The following PDLIM5 variants were observed in gnomAD, a reference collection of about 807,000 sequenced individuals.
PDLIM5 encodes PDZ and LIM domain 5.
A neutral mutation model predicts 64.2 loss-of-function variants in PDLIM5; 34 were observed. That is an observed-to-expected ratio of 0.53 (90% CI 0.40 to 0.71). The LOEUF (loss-of-function observed/expected upper bound fraction) is 0.71, where lower values mean the gene tolerates loss of function less well. Among genes scored for constraint, PDLIM5 ranks in the 30% least tolerant of loss-of-function variants. PDLIM5 has a pLI of 0.00. For synonymous variants in PDLIM5, 253 were observed against 269.1 expected (o/e 0.94, Z 0.59); for missense variants, 683 against 733.6 (o/e 0.93, Z 0.80).
intron 2 of PDLIM5, among the ~76,000 whole-genome samples, chr4:94,491,611 T>C (rs1456517261): frequency 6.6e-6 from 1 of 152,076 alleles, no homozygotes; most frequent in East Asian, 1.9e-4. Flanking sequence ...GATTTTTTTT[T>C]ACAGCATTGG....
chr4:94,545,814 T>C (rs2452010), intron 3 of PDLIM5, among the ~76,000 whole-genome samples: 87,871 of 152,102 alleles, frequency 0.58, 26,976 homozygotes, highest in African/African-American at 0.79. Context: ...TCATGGTAGT[T>C]AGATGTATTT....
chr4:94,647,760 G>A (rs1741532390), intron 9 of PDLIM5, among the ~76,000 whole-genome samples: 1 of 152,102 alleles, frequency 6.6e-6, no homozygotes, highest in Non-Finnish European at 1.5e-5. Flanking sequence ...CATATGTTAA[G>A]TCATAAAACG....
intron 2 of PDLIM5, 40 bp downstream of exon 2, chr4:94,455,424 A>C: frequency 8.2e-7 from 1 of 1,218,864 alleles, no homozygotes; most frequent in Non-Finnish European, 1.2e-6. Context: ...ATGTTCATTC[A>C]GTGCTTAGTC....
chr4:94,527,348 C>G (rs756138216), intron 3 of PDLIM5, among the ~76,000 whole-genome samples: 2 of 151,978 alleles, frequency 1.3e-5, no homozygotes, highest in Non-Finnish European at 2.9e-5. Context: ...AGTCACCACG[C>G]GTGGCCCTGA....
At chr4:94,560,654 T>C (rs527495150) in intron 3 of PDLIM5, among the ~76,000 whole-genome samples, 1 of 152,362 alleles carries the variant, frequency 6.6e-6, no homozygotes. Flanking sequence ...AGTCTGCTTT[T>C]AGCTCTGGAA....
chr4:94,600,101 T>C (rs566012741), intron 7 of PDLIM5, among the ~76,000 whole-genome samples: 1 of 152,276 alleles, frequency 6.6e-6, no homozygotes, highest in Admixed American at 6.5e-5. Context: ...GGAAGCATGA[T>C]GTGATTAATC....
intron 7 of PDLIM5, among the ~76,000 whole-genome samples, chr4:94,594,142 T>C (rs1292941374): frequency 1.3e-5 from 2 of 152,218 alleles, no homozygotes; most frequent in East Asian, 3.8e-4. Flanking sequence ...AGTGAAACCA[T>C]ACCTAAGTCA....
At chr4:94,541,125 G>C (rs1439273545) in intron 3 of PDLIM5, among the ~76,000 whole-genome samples, 4 of 152,186 alleles carry the variant, frequency 2.6e-5, no homozygotes, top group African/African-American at 9.7e-5. Flanking sequence ...GAAGGTCAGA[G>C]CTGGAACCTC....
At chr4:94,475,871 T>C (rs1424976561) in intron 2 of PDLIM5, among the ~76,000 whole-genome samples, 1 of 152,118 alleles carries the variant, frequency 6.6e-6, no homozygotes, top group Non-Finnish European at 1.5e-5. Context: ...TTGAACAGAT[T>C]TACCAGGACA....
intron 2 of PDLIM5, among the ~76,000 whole-genome samples, chr4:94,458,275 G>C (rs964042947): frequency 6.6e-6 from 1 of 151,986 alleles, no homozygotes; most frequent in Admixed American, 6.6e-5. Flanking sequence ...ATAGTATCAA[G>C]AAACAATTAA....
chr4:94,610,387 C>A, intron 7 of PDLIM5: 2 of 750,592 alleles, frequency 2.7e-6, no homozygotes, highest in Non-Finnish European at 3.9e-6. Flanking sequence ...AAAACATGCC[C>A]CTTTGAAGCA....
chr4:94,613,960 CTT>C (rs759120575), intron 7 of PDLIM5, among the ~76,000 whole-genome samples: 7,987 of 123,720 alleles, frequency 0.065, 158 homozygotes, highest in African/African-American at 0.16. Context: ...ACTTTTAATC[CTT>C]TTTTTTTTTT....
At chr4:94,504,373 C>T (rs1434798478) in intron 2 of PDLIM5, among the ~76,000 whole-genome samples, 7 of 151,866 alleles carry the variant, frequency 4.6e-5, no homozygotes, top group Admixed American at 2.6e-4. Context: ...TTGCAACCTC[C>T]GCTCCCGGGT....
intron 3 of PDLIM5, among the ~76,000 whole-genome samples, chr4:94,548,044 A>T (rs147320277): frequency 6.6e-6 from 1 of 152,168 alleles, no homozygotes; most frequent in Admixed American, 6.5e-5. Context: ...ATCGTAGTTG[A>T]TATGTCTTAA....
At chr4:94,456,207 GT>G (rs35837154) in intron 2 of PDLIM5, 30 of 445,140 alleles carry the variant, frequency 6.7e-5, no homozygotes, top group South Asian at 1.1e-4. Context: ...TATACACACA[GT>G]TTTTTTTGAG....
rs945453867 is a variant in PDLIM5 at position 94,585,804 on chromosome 4, G to C, written c.883+67G>C. On this transcript the variant is annotated intron_variant, in intron 6 of 12. Coordinates refer to ENST00000317968, the MANE Select transcript of PDLIM5 (RefSeq NM_006457.5). ...TGCCCCAGAGAGTGGCATTGAGACT[G>C]ATTGGTAGTTGTCAGAAAACAACCC... is the stretch of plus-strand genomic sequence containing the variant. 2.4e-6 allele frequency: 3 copies of C among 1,271,350 alleles called. No individual in the cohort carries two copies. The African/African-American group carries it at 4.4e-5, about 19-fold the overall frequency. 78.8% of individuals were successfully genotyped at this position (1,271,350 alleles called of 1,614,324 possible). A position where few individuals can be genotyped will look rare whatever the true frequency, so the allele number is the denominator to read the frequency against.
intron 7 of PDLIM5, among the ~76,000 whole-genome samples, chr4:94,605,806 A>G (rs1381653799): frequency 2.0e-5 from 3 of 151,800 alleles, no homozygotes; most frequent in African/African-American, 4.8e-5. Flanking sequence ...CTTTTTTCCA[A>G]TCAGCATATT....
chr4:94,626,299 T>A, intron 8 of PDLIM5, among the ~76,000 whole-genome samples: 1 of 129,224 alleles, frequency 7.7e-6, no homozygotes, highest in East Asian at 2.3e-4. Flanking sequence ...ATACTTTCAG[T>A]TGTAACAGAT....
chr4:94,560,005 C>T (rs142037292), intron 3 of PDLIM5, among the ~76,000 whole-genome samples: 136 of 152,178 alleles, frequency 8.9e-4, no homozygotes, highest in Non-Finnish European at 1.6e-3. Flanking sequence ...TCTGGCCAGC[C>T]CGTGACTGTT....
Sources: gnomAD v4.1 joint callset for allele counts (sites outside exome capture counted in the v4.1 genomes callset) on GRCh38, gnomAD v4.1.1 for gene constraint, MANE v1.5 for transcripts, NCBI Gene and HGNC (gene_info 2026-07-23, HGNC 2026-07-21) for gene names.